The following PCDHGA7 variants were observed in gnomAD, a reference collection of about 807,000 sequenced individuals.
The protein encoded by PCDHGA7 is protocadherin gamma subfamily A, 7.
A neutral mutation model predicts 58.3 loss-of-function variants in PCDHGA7; 44 were observed. That is an observed-to-expected ratio of 0.75 (90% CI 0.59 to 0.97). PCDHGA7 has a LOEUF of 0.97. PCDHGA7 is among the 50% of genes least tolerant of loss of function. The pLI, the probability that PCDHGA7 is intolerant of heterozygous loss-of-function variation, is 0.00. For synonymous variants in PCDHGA7, 516 were observed against 504.2 expected (o/e 1.02, Z -0.31); for missense variants, 1,266 against 1,188.7 (o/e 1.06, Z -0.96).
Position 141,409,092 on chromosome 5 carries a change from A to C in PCDHGA7, c.2424+23769A>C, listed in dbSNP as rs150634031. On this transcript the variant is annotated intron_variant, in intron 1 of 3. Coordinates refer to ENST00000518325, the MANE Select transcript of PCDHGA7 (RefSeq NM_018920.4). ...AAACATATGTTCTCATTGGATGAGA[A>C]AACAGGTATGATTAAGAATAACCAG... 12 of 1,614,050 alleles carry C rather than the reference A, an allele frequency of 7.4e-6. No homozygotes were observed. The East Asian group carries it at 2.7e-4, about 36-fold the overall frequency.
At position 141,394,998 on chromosome 5, in the gene PCDHGA7, G is replaced by T. The variant is rs774774010; in HGVS notation, c.2424+9675G>T. On this transcript the variant is annotated intron_variant, in intron 1 of 3. Transcript: ENST00000518325. ...CAAGTCACGCCTGCTCCAGGATTCC[G>T]GTGGCAGATTGGTAGGCGTGCCTGC... The T allele has an allele frequency of 2.7e-5, 44 of 1,613,892 alleles. No homozygotes were observed. Among genetic ancestry groups the T allele is most frequent in the Non-Finnish European group, 3.1e-5 (36 of 1,179,930 alleles).
rs150249178 is a variant in PCDHGA7 at position 141,432,742 on chromosome 5, C to A, written c.2424+47419C>A. 154 of 1,614,076 alleles carry A rather than the reference C, an allele frequency of 9.5e-5. No individual in the cohort carries two copies. In the Middle Eastern group the frequency reaches 1.3e-3, roughly 14 times the overall value. On this transcript the variant is annotated intron_variant, in intron 1 of 3. Transcript: ENST00000518325. This position sits in a 1 kb window ranked among gnomAD's most constrained non-coding sequence, Gnocchi z 6.0. ...CTCTCTCCGCCACTGTCACGCTCAC[C>A]GTGGCCGTGGCCGACAGCATCCCCC... is the stretch of plus-strand genomic sequence containing the variant.
chr5:141,403,237 C>T (rs1293614874), intron 1 of PCDHGA7: 1 of 1,613,824 alleles, frequency 6.2e-7, no homozygotes, highest in Non-Finnish European at 8.5e-7. Flanking sequence ...GGGAGGAGCT[C>T]TGTGCTCAGA....
At chr5:141,479,063 A>G (rs1476826751) in intron 1 of PCDHGA7, among the ~76,000 whole-genome samples, 1 of 152,204 alleles carries the variant, frequency 6.6e-6, no homozygotes, top group African/African-American at 2.4e-5. Context: ...ATAATTTTTT[A>G]TGAATGAAAT....
chr5:141,468,599 G>C (rs1055715232), intron 1 of PCDHGA7: 7 of 152,236 alleles, frequency 4.6e-5, no homozygotes, highest in African/African-American at 1.4e-4. Flanking sequence ...GGGCGCGGTG[G>C]CTCACGCCTG....
chr5:141,509,155 C>G (rs981661695), intron 3 of PCDHGA7, among the ~76,000 whole-genome samples: 3 of 152,202 alleles, frequency 2.0e-5, no homozygotes, highest in Non-Finnish European at 4.4e-5. Flanking sequence ...GCTCTCCCCT[C>G]CCGTGTGCCC....
intron 1 of PCDHGA7, among the ~76,000 whole-genome samples, chr5:141,464,094 G>A (rs540562188): frequency 7.4e-4 from 112 of 151,988 alleles, no homozygotes; most frequent in Non-Finnish European, 1.1e-3. Context: ...GTGAAACTCC[G>A]TCTCTACTAA....
chr5:141,418,985 T>C, intron 1 of PCDHGA7: 1 of 1,613,882 alleles, frequency 6.2e-7, no homozygotes, highest in Non-Finnish European at 8.5e-7. Context: ...GGACCAAGAC[T>C]CAGGGGAAAA....
rs773703641 is a variant in PCDHGA7, at chr5:141,477,856, G to A, written c.2425-16951G>A. On this transcript the variant is annotated intron_variant, in intron 1 of 3. Transcript: ENST00000518325. The surrounding 1 kb of genome is among the most constrained non-coding windows in gnomAD (Gnocchi z 4.9). ...CAGGTGGGAGCTCGGTGGAGATGCT[G>A]CCTCGAGGTACCTCAGCTGGCCACC... is the stretch of plus-strand genomic sequence containing the variant. 6.2e-7 allele frequency: 1 copy of A among 1,613,592 alleles called. No homozygotes were observed. Among genetic ancestry groups the A allele is most frequent in the Admixed American group, 1.7e-5 (1 of 59,976 alleles).
intron 1 of PCDHGA7, chr5:141,394,043 G>C (rs1431547996): frequency 6.2e-7 from 1 of 1,613,576 alleles, no homozygotes; most frequent in South Asian, 1.1e-5. Context: ...GGAAATATTT[G>C]GACCGAGAAA....
chr5:141,405,192 G>A (rs2154536235), intron 1 of PCDHGA7: 5 of 1,613,938 alleles, frequency 3.1e-6, no homozygotes, highest in East Asian at 2.2e-5. Context: ...GATGGGGTTC[G>A]AGCTTTCCTA....
intron 1 of PCDHGA7, chr5:141,408,865 A>G (rs765751172): frequency 6.2e-7 from 1 of 1,613,684 alleles, no homozygotes. Context: ...GGGACCCACC[A>G]AGAAGTGCCA....
At chr5:141,387,323 G>T (rs2090908841) in intron 1 of PCDHGA7, among the ~76,000 whole-genome samples, 1 of 152,154 alleles carries the variant, frequency 6.6e-6, no homozygotes, top group South Asian at 2.1e-4. Context: ...AGTAAGTATG[G>T]AAAATTACTG....
In PCDHGA7 at chr5:141,418,429, A is replaced by G. The variant is rs765952024; in HGVS notation, c.2424+33106A>G. ...AGAAAGACAATCCTGATGGTGGCAAATATCCAGAATTAGTATTGCAGAAGA... is the reference window on the plus strand; with the variant it reads ...AGAAAGACAATCCTGATGGTGGCAAGTATCCAGAATTAGTATTGCAGAAGA... On this transcript the variant is annotated intron_variant, in intron 1 of 3. Transcript: ENST00000518325. 8.7e-6 allele frequency: 14 copies of G among 1,613,972 alleles called. No homozygotes were observed. In the South Asian group the frequency reaches 1.5e-4, roughly 18 times the overall value.
chr5:141,401,765 G>C (rs2094191872), intron 1 of PCDHGA7, among the ~76,000 whole-genome samples: 1 of 152,138 alleles, frequency 6.6e-6, no homozygotes. Context: ...CATGGTATAA[G>C]TCTTTTGCTT....
At position 141,491,111 on chromosome 5, in the gene PCDHGA7, A is replaced by G; in HGVS notation, c.2425-3696A>G. 1 of 1,614,162 alleles carries G rather than the reference A, an allele frequency of 6.2e-7. No individual in the cohort carries two copies. Among genetic ancestry groups the G allele is most frequent in the Non-Finnish European group, 8.5e-7 (1 of 1,180,026 alleles). Reference sequence around the variant, plus strand: ...CCAGGACTGTTCCTCGTGTCTACACACACTGGTGAGGTGCGCACAGCCCGG... The same window carrying G: ...CCAGGACTGTTCCTCGTGTCTACACGCACTGGTGAGGTGCGCACAGCCCGG... On this transcript the variant is annotated intron_variant, in intron 1 of 3. Transcript: ENST00000518325. This position sits in a 1 kb window ranked among gnomAD's most constrained non-coding sequence, Gnocchi z 6.9.
At chr5:141,465,880 TG>T (rs2154569018) in intron 1 of PCDHGA7, among the ~76,000 whole-genome samples, 1 of 152,096 alleles carries the variant, frequency 6.6e-6, no homozygotes, top group East Asian at 1.9e-4. Context: ...CCCAGCACTT[TG>T]GGAGGCCGAG....
chr5:141,453,791 A>G (rs979646024), intron 1 of PCDHGA7, among the ~76,000 whole-genome samples: 2 of 152,268 alleles, frequency 1.3e-5, no homozygotes, highest in African/African-American at 2.4e-5. Context: ...ATGGTATATT[A>G]ACTTTGAGTA....
At chr5:141,505,827 TCA>T (rs1197972266) in intron 3 of PCDHGA7, among the ~76,000 whole-genome samples, 4 of 152,072 alleles carry the variant, frequency 2.6e-5, no homozygotes, top group South Asian at 4.1e-4. Context: ...TCTCTAAACC[TCA>T]GTTTCCTCAG....
Sources: allele counts gnomAD v4.1 joint callset (sites outside exome capture counted in the v4.1 genomes callset), GRCh38; gene constraint gnomAD v4.1.1; non-coding constraint Gnocchi (gnomAD v3.1); transcripts MANE v1.5; gene names NCBI Gene and HGNC (gene_info 2026-07-23, HGNC 2026-07-21).